CELF1: variants seen among roughly 807,000 people sequenced by gnomAD.
CELF1 encodes 50 kDa nuclear polyadenylated RNA-binding protein.
Under a neutral mutation model 61.8 loss-of-function variants are expected in CELF1, and 10 were observed. The ratio of observed to expected loss-of-function variants is 0.16; its 90% confidence interval spans 0.10 to 0.27. The LOEUF (loss-of-function observed/expected upper bound fraction) is 0.27. Ranked by LOEUF, CELF1 falls within the 10% of genes least tolerant of loss-of-function variation. CELF1 has a pLI of 1.00. For missense variants in CELF1, 380 were observed against 639.1 expected, an observed-to-expected ratio of 0.59 and a Z score of 4.37; for synonymous variants, 236 against 225.1, an observed-to-expected ratio of 1.05 and a Z score of -0.43.
chr11:47,515,264 T>C (rs2095492873), intron 1 of CELF1, among the ~76,000 whole-genome samples: 1 of 152,038 alleles, frequency 6.6e-6, no homozygotes, highest in Non-Finnish European at 1.5e-5. Flanking sequence ...TACACAGAAG[T>C]GAGGGAGGTG....
intron 1 of CELF1, among the ~76,000 whole-genome samples, chr11:47,530,409 G>A (rs2096428163): frequency 6.6e-6 from 1 of 152,172 alleles, no homozygotes; most frequent in African/African-American, 2.4e-5. Context: ...TAAAAAACAA[G>A]ATTGCTACTG....
chr11:47,538,777 GA>G (rs1216303521), intron 1 of CELF1, among the ~76,000 whole-genome samples: 1 of 151,740 alleles, frequency 6.6e-6, no homozygotes, highest in African/African-American at 2.4e-5. Flanking sequence ...AATATCACAG[GA>G]AAAAAACAAA....
chr11:47,496,750 A>C (rs1322339581), intron 3 of CELF1, among the ~76,000 whole-genome samples: 1 of 152,178 alleles, frequency 6.6e-6, no homozygotes, highest in African/African-American at 2.4e-5. Flanking sequence ...AAAGGACTTG[A>C]GAAAGTTGTG....
At chr11:47,541,618 A>G (rs1371824550) in intron 1 of CELF1, among the ~76,000 whole-genome samples, 1 of 150,696 alleles carries the variant, frequency 6.6e-6, no homozygotes, top group African/African-American at 2.4e-5. Flanking sequence ...TGAACCCAGG[A>G]GGCAGAGGTT....
chr11:47,485,987 C>A (rs2153457709), intron 6 of CELF1, among the ~76,000 whole-genome samples: 1 of 147,748 alleles, frequency 6.8e-6, no homozygotes, highest in Non-Finnish European at 1.5e-5. Flanking sequence ...CAGTGAAACC[C>A]CGTCTCTACT....
chr11:47,495,195 G>C (rs1403696275), intron 3 of CELF1, among the ~76,000 whole-genome samples: 1 of 152,216 alleles, frequency 6.6e-6, no homozygotes, highest in East Asian at 1.9e-4. Context: ...GGGTTAAATG[G>C]AGAAGCTCAA....
In CELF1 at chr11:47,488,818, C is replaced by T; in HGVS notation, c.259+19G>A. The T allele has an allele frequency of 7.0e-7, 1 of 1,425,028 alleles. No homozygotes were observed. Among genetic ancestry groups the T allele is most frequent in the Non-Finnish European group, 9.2e-7 (1 of 1,081,970 alleles). The allele number at this position is 1,425,028 out of a possible 1,614,324, so 88.3% of individuals were successfully genotyped here. ...AGTCAGTGGAAAAAATAAGATAAAC[C>T]AAAACCCAAAGCCCTAACCTTTGCT... On this transcript the variant is annotated intron_variant, in intron 4 of 14. Coordinates refer to ENST00000687097, the MANE Select transcript of CELF1 (RefSeq NM_001376376.1).
chr11:47,511,791 G>A (rs2095199823), intron 1 of CELF1, among the ~76,000 whole-genome samples: 1 of 152,140 alleles, frequency 6.6e-6, no homozygotes, highest in African/African-American at 2.4e-5. Context: ...TTGTCTCCAA[G>A]GAAGCTCATG....
intron 3 of CELF1, among the ~76,000 whole-genome samples, chr11:47,498,902 G>A (rs2093547714): frequency 6.6e-6 from 1 of 151,350 alleles, no homozygotes; most frequent in Non-Finnish European, 1.5e-5. Context: ...CTAAAATCAC[G>A]TGCTGAGCTG....
intron 1 of CELF1, among the ~76,000 whole-genome samples, chr11:47,517,260 G>GAAAAAAAAAAAAAAAAAAAAAAA (rs57071560): frequency 1.3e-5 from 1 of 76,996 alleles, no homozygotes; most frequent in Non-Finnish European, 3.1e-5. Context: ...AACAAACAGA[G>GAAAAAAAAAAAAAAAAAAAAAAA]AAAAAAAAAA....
chr11:47,558,439 T>TTA (rs564492811), intron 2 of CELF1, among the ~76,000 whole-genome samples: 203 of 131,024 alleles, frequency 1.5e-3, no homozygotes, highest in South Asian at 4.8e-3. Context: ...CATATATATA[T>TTA]TATATATATA....
intron 3 of CELF1, among the ~76,000 whole-genome samples, chr11:47,492,310 C>A (rs2153501758): frequency 6.6e-6 from 1 of 152,274 alleles, no homozygotes. Context: ...CAGATGGCAT[C>A]ATTTTACTGG....
intron 1 of CELF1, among the ~76,000 whole-genome samples, chr11:47,509,931 G>A (rs866674884): frequency 2.6e-5 from 4 of 151,418 alleles, no homozygotes; most frequent in East Asian, 1.9e-4. Context: ...ACATGGTGGC[G>A]TGCACCTGTA....
chr11:47,534,733 T>C (rs967954941), intron 1 of CELF1, among the ~76,000 whole-genome samples: 1 of 151,848 alleles, frequency 6.6e-6, no homozygotes, highest in Admixed American at 6.6e-5. Context: ...ATCTCAAAAA[T>C]AAATAAAATA....
At chr11:47,514,978 G>A (rs2095475913) in intron 1 of CELF1, 1 of 152,278 alleles carries the variant, frequency 6.6e-6, no homozygotes, top group South Asian at 2.1e-4. Context: ...TCCTACTGTG[G>A]TGAGAGCTGG....
chr11:47,520,258 T>A (rs984212143), intron 1 of CELF1, among the ~76,000 whole-genome samples: 1 of 152,238 alleles, frequency 6.6e-6, no homozygotes, highest in Non-Finnish European at 1.5e-5. Context: ...CTGATTCTTA[T>A]TTCCCTGTCT....
chr11:47,540,351 G>A (rs1480853228), intron 1 of CELF1, among the ~76,000 whole-genome samples: 2 of 152,100 alleles, frequency 1.3e-5, no homozygotes, highest in Non-Finnish European at 2.9e-5. Flanking sequence ...TAGCCATCTA[G>A]GAAATACAGA....
At chr11:47,558,439 TTATA>T (rs564492811) in intron 2 of CELF1, among the ~76,000 whole-genome samples, 1 of 131,048 alleles carries the variant, frequency 7.6e-6, no homozygotes, top group Non-Finnish European at 1.5e-5. Context: ...CATATATATA[TTATA>T]TATATATATA....
In CELF1 at chr11:47,467,493, G is replaced by A. The variant is rs2076864860; in HGVS notation, c.*4737C>T. 1 of 152,302 alleles carries A rather than the reference G, an allele frequency of 6.6e-6. No homozygotes were observed. The highest frequency in any genetic ancestry group is 2.4e-5 in the African/African-American group (1 of 41,440). The allele number at this position is 152,302 out of a possible 1,614,324, so 9.4% of individuals were successfully genotyped here. ...GAAGAGCCAGTGCCGGGTGGCTGGTGCCCAGGGCTGTAAACAGTGTGAAGA... is the reference window on the plus strand; with the variant it reads ...GAAGAGCCAGTGCCGGGTGGCTGGTACCCAGGGCTGTAAACAGTGTGAAGA... On this transcript the variant is annotated 3_prime_UTR_variant, in exon 15 of 15. Coordinates refer to ENST00000687097, the MANE Select transcript of CELF1 (RefSeq NM_001376376.1).
Sources: gnomAD v4.1 joint callset for allele counts (sites outside exome capture counted in the v4.1 genomes callset) on GRCh38, gnomAD v4.1.1 for gene constraint, MANE v1.5 for transcripts, NCBI Gene and HGNC (gene_info 2026-07-23, HGNC 2026-07-21) for gene names.